The following ATP4B variants were observed in gnomAD, a reference collection of about 807,000 sequenced individuals.
ATP4B encodes ATPase H+/K+ transporting subunit beta.
A neutral mutation model predicts 35.3 loss-of-function variants in ATP4B; 27 were observed. The observed-to-expected ratio is 0.76, with a 90% CI of 0.56 to 1.05. ATP4B has a LOEUF of 1.05. Ranked by LOEUF, ATP4B falls within the 50% of genes least tolerant of loss-of-function variation. ATP4B has a pLI of 0.00. For synonymous variants in ATP4B, 162 were observed against 156.0 expected, an observed-to-expected ratio of 1.04 and a Z score of -0.29; for missense variants, 375 against 384.8, an observed-to-expected ratio of 0.97 and a Z score of 0.21.
Position 113,654,890 on chromosome 13 carries a change from G to C in ATP4B, c.165C>G (p.Phe55Leu). 1.9e-6 allele frequency: 3 copies of C among 1,614,240 alleles called. No individual in the cohort carries two copies. Among genetic ancestry groups the C allele is most frequent in the Non-Finnish European group, 1.7e-6 (2 of 1,180,026 alleles). Residue 55 changes from phenylalanine (F) to leucine (L), a missense_variant, in exon 2 of 7, where the codon TTC becomes TTG. Transcript: ENST00000335288. Reference sequence around the variant, plus strand: ...GCATCAGCACATAGAGGCACAGGGCGAAGAGCCCAGTCATCACCACGTAGA... The same window carrying C: ...GCATCAGCACATAGAGGCACAGGGCCAAGAGCCCAGTCATCACCACGTAGA... ...VAFYVVMTGL[F>L]ALCLYVLMQT...
intron 4 of ATP4B, chr13:113,652,669 G>A (rs776461710): frequency 1.6e-5 from 11 of 684,926 alleles, no homozygotes; most frequent in Non-Finnish European, 2.4e-5. Flanking sequence ...ATGTGCTGGT[G>A]TCTGACGAGT....
rs1410248936 is a variant in ATP4B, at chr13:113,652,944, A to C, written c.484T>G (p.Cys162Gly). 2 of 1,614,238 alleles carry C rather than the reference A, an allele frequency of 1.2e-6. No individual in the cohort carries two copies. The highest frequency in any genetic ancestry group is 3.3e-5 in the Admixed American group (2 of 60,030). Residue 162 changes from cysteine (C) to glycine (G), a missense_variant, in exon 4 of 7, where the codon TGC becomes GGC. Coordinates refer to ENST00000335288, the MANE Select transcript of ATP4B (RefSeq NM_000705.4). ...AAGTTGGGATCCGCCAGGCCTGAGC[A>C]GTTCTGCAGCATATCTGCCGTGAAC... is the stretch of plus-strand genomic sequence containing the variant. ...CKFTADMLQN[C>G]SGLADPNFGF...
rs2049764751 is a variant in ATP4B, at chr13:113,657,524, G to C, written c.112+509C>G. On this transcript the variant is annotated intron_variant, in intron 1 of 6. Transcript: ENST00000335288. Reference sequence around the variant, plus strand: ...CACGGGGACAGGACCCTGCAGGGCAGACCTCGCACAAGGCGCAGGTGCTGC... The same window carrying C: ...CACGGGGACAGGACCCTGCAGGGCACACCTCGCACAAGGCGCAGGTGCTGC... 1.3e-5 allele frequency among the ~76,000 whole-genome samples: 2 copies of C among 152,230 alleles called. 1 individual carries two copies. The highest frequency in any genetic ancestry group is 4.1e-4 in the South Asian group (2 of 4,838).
intron 4 of ATP4B, 66 bp downstream of exon 4, chr13:113,652,807 G>A: frequency 6.4e-7 from 1 of 1,555,336 alleles, no homozygotes; most frequent in Admixed American, 1.8e-5. Context: ...TCCTCGTGGT[G>A]GGTGTGGGTG....
At position 113,653,326 on chromosome 13, in the gene ATP4B, A is replaced by G. The variant is rs767267609; in HGVS notation, c.350T>C (p.Leu117Pro). The G allele has an allele frequency of 1.2e-6, 2 of 1,612,304 alleles. No homozygotes were observed. The highest frequency in any genetic ancestry group is 8.5e-7 in the Non-Finnish European group (1 of 1,179,202). ...CCTGCCGTTTCACACCTCACCTGCT[A>G]GGAAGGCGTGGAGAGTCTGTGTGAG... ...ADLTQTLHAF[L>P]AGYSPAAQED... Residue 117 changes from leucine to proline, a missense_variant, in exon 3 of 7, where the codon CTA becomes CCA. Transcript: ENST00000335288.
Position 113,649,654 on chromosome 13 carries a change from G to A in ATP4B, c.715-119C>T, listed in dbSNP as rs2049696914. ...GCAGAGAAGCAGCTCTTTTGTGTAA[G>A]ACTGGCCCTGACCGAGTGCATGCCC... On this transcript the variant is annotated intron_variant, in intron 6 of 6. Transcript: ENST00000335288. The surrounding 1 kb of genome is among the most constrained non-coding windows in gnomAD (Gnocchi z 4.7). 8.6e-7 allele frequency: 1 copy of A among 1,164,298 alleles called. No homozygotes were observed. The highest frequency in any genetic ancestry group is 2.9e-5 in the East Asian group (1 of 34,274). The allele number at this position is 1,164,298 out of a possible 1,614,324, so 72.1% of individuals were successfully genotyped here.
rs1183750018 is a variant in ATP4B, at chr13:113,651,671, C to G, written c.612G>C (p.Leu204=). The G allele has an allele frequency of 2.5e-6, 4 of 1,612,346 alleles. No homozygotes were observed. Among genetic ancestry groups the G allele is most frequent in the Non-Finnish European group, 3.4e-6 (4 of 1,179,218 alleles). ...GSAPRVDCAF[L]DQPRELGQPL... ...CTGCCCGCCGCGCGGCCGTACTCAC[C>G]AGGAAGGCGCAGTCCACTCTGGGGG... Residue 204 remains leucine (L), a splice_region_variant and synonymous_variant, in exon 5 of 7, where the codon CTG becomes CTC. Transcript: ENST00000335288.
intron 1 of ATP4B, 36 bp downstream of exon 1, chr13:113,657,997 C>G: frequency 1.8e-5 from 27 of 1,539,064 alleles, no homozygotes; most frequent in Non-Finnish European, 2.4e-5. Flanking sequence ...GAGCGGCCCC[C>G]TCCATGCACC....
intron 2 of ATP4B, among the ~76,000 whole-genome samples, chr13:113,654,434 C>T (rs367587621): frequency 1.3e-5 from 2 of 152,174 alleles, no homozygotes; most frequent in Admixed American, 6.5e-5. Context: ...GTTTCCTGTG[C>T]GTCCTTGCAG....
intron 1 of ATP4B, 74 bp from the exon 2 acceptor site, chr13:113,655,016 G>C: frequency 1.3e-6 from 2 of 1,577,874 alleles, no homozygotes; most frequent in East Asian, 2.3e-5. Flanking sequence ...CCTTGAGCGC[G>C]TCCGTGATGT....
In ATP4B at chr13:113,654,959, G is replaced by T; in HGVS notation, c.113-17C>A. 1 of 1,613,248 alleles carries T rather than the reference G, an allele frequency of 6.2e-7. No individual in the cohort carries two copies. Among genetic ancestry groups the T allele is most frequent in the Non-Finnish European group, 8.5e-7 (1 of 1,179,576 alleles). On this transcript the variant is annotated splice_polypyrimidine_tract_variant and intron_variant, in intron 1 of 6. Coordinates refer to ENST00000335288, the MANE Select transcript of ATP4B (RefSeq NM_000705.4). ...TGATCCACACTGCGACACAAGGCAG[G>T]CACAAAATTTACCACGTCAGCCATT...
In ATP4B at chr13:113,651,731, G is replaced by T; in HGVS notation, c.556-4C>A. The T allele has an allele frequency of 6.2e-7, 1 of 1,613,676 alleles. No homozygotes were observed. The highest frequency in any genetic ancestry group is 1.7e-5 in the Admixed American group (1 of 59,952). On this transcript the variant is annotated splice_polypyrimidine_tract_variant and splice_region_variant and intron_variant, in intron 4 of 6. Transcript: ENST00000335288. ...TGCTGGGGAGGAACTTGACGATCTA[G>T]AAGGGAAAAGCTTGAGCGTGGCCGC...
chr13:113,652,583 C>T (rs1166938172), intron 4 of ATP4B: 1 of 477,154 alleles, frequency 2.1e-6, no homozygotes, highest in East Asian at 4.2e-5. Flanking sequence ...CCTGGCATCT[C>T]TGGCTGCCCT....
At chr13:113,652,784 A>T in intron 4 of ATP4B, 89 bp downstream of exon 4, 1 of 1,471,840 alleles carries the variant, frequency 6.8e-7, no homozygotes, top group Non-Finnish European at 9.4e-7. Context: ...AGCCCCAGAC[A>T]GGACACCTGT....
At position 113,654,844 on chromosome 13, in the gene ATP4B, G is replaced by C; in HGVS notation, c.211C>G (p.Pro71Ala). 6.2e-7 allele frequency: 1 copy of C among 1,614,144 alleles called. No individual in the cohort carries two copies. The highest frequency in any genetic ancestry group is 8.5e-7 in the Non-Finnish European group (1 of 1,180,028). ...GACCGTAGCTGGTCTTGGTAGTCCG[G>C]TGTGTACGGGTCCACTGTCTGCATC... ...VLMQTVDPYT[P>A]DYQDQLRSPG... is the part of the protein sequence containing the mutation. The change falls in exon 2 of 7, where the codon CCG (proline) becomes GCG (alanine). Residue 71 changes from proline (P) to alanine (A), a missense_variant. Transcript: ENST00000335288.
Position 113,653,144 on chromosome 13 carries a change from T to C in ATP4B, c.356-72A>G, listed in dbSNP as rs2049725868. ...GCCTGGCTGCCCCCCGGGAAGGCCT[T>C]GCAAGCCCTGAGTGCGAGTTTCTCA... On this transcript the variant is annotated intron_variant, in intron 3 of 6. Transcript: ENST00000335288. The C allele has an allele frequency of 5.9e-6, 9 of 1,537,496 alleles. No individual in the cohort carries two copies. The South Asian group carries it at 9.8e-5, about 17-fold the overall frequency.
chr13:113,656,702 C>G (rs1266424443), intron 1 of ATP4B, among the ~76,000 whole-genome samples: 1 of 152,196 alleles, frequency 6.6e-6, no homozygotes, highest in Non-Finnish European at 1.5e-5. Flanking sequence ...TGTCATTTCA[C>G]TTGAGTTGTG....
At position 113,648,883 on chromosome 13, in the gene ATP4B, T is replaced by G. The variant is rs905156619; in HGVS notation, c.*491A>C. The G allele has an allele frequency of 6.6e-6, 1 of 152,300 alleles. No individual in the cohort carries two copies. Among genetic ancestry groups the G allele is most frequent in the Non-Finnish European group, 1.5e-5 (1 of 68,126 alleles). The allele number at this position is 152,300 out of a possible 1,614,324, so 9.4% of individuals were successfully genotyped here. ...TTTCTTTTTTTACATACAATAAGAG[T>G]AACTTTAATATATTTTATGTTTACA... is the stretch of plus-strand genomic sequence containing the variant. On this transcript the variant is annotated 3_prime_UTR_variant, in exon 7 of 7. Coordinates refer to ENST00000335288, the MANE Select transcript of ATP4B (RefSeq NM_000705.4).
Position 113,653,262 on chromosome 13 carries a change from G to A in ATP4B, c.355+59C>T, listed in dbSNP as rs960190156. The A allele has an allele frequency of 1.1e-3, 1,574 of 1,449,052 alleles. 18 individuals carry two copies. In the African/African-American group the frequency reaches 0.02, roughly 18 times the overall value. 89.8% of individuals were successfully genotyped at this position (1,449,052 alleles called of 1,614,324 possible). A position where few individuals can be genotyped will look rare whatever the true frequency, so the allele number is the denominator to read the frequency against. On this transcript the variant is annotated intron_variant, in intron 3 of 6. Coordinates refer to ENST00000335288, the MANE Select transcript of ATP4B (RefSeq NM_000705.4). ...CCGCCGCTTCACACCTCACCCACCC[G>A]CCGCTTCACACCTCACCCACCCGCC... is the stretch of plus-strand genomic sequence containing the variant.
Sources: allele counts gnomAD v4.1 joint callset (sites outside exome capture counted in the v4.1 genomes callset), GRCh38; gene constraint gnomAD v4.1.1; non-coding constraint Gnocchi (gnomAD v3.1); transcripts MANE v1.5; gene names NCBI Gene and HGNC (gene_info 2026-07-23, HGNC 2026-07-21).